Variants in KCTD17 observed in about 807,000 individuals in gnomAD.
KCTD17 encodes the protein BTB/POZ domain-containing protein KCTD17.
A neutral mutation model predicts 41.5 loss-of-function variants in KCTD17; 20 were observed. The observed-to-expected ratio is 0.48, with a 90% CI of 0.34 to 0.70. KCTD17 has a LOEUF of 0.70. KCTD17 is among the 30% of genes least tolerant of loss of function. The probability of loss-of-function intolerance (pLI) is 0.01; values close to 1 mark genes in which losing one functional copy is unlikely to be tolerated. For missense variants in KCTD17, 317 were observed against 427.2 expected, an observed-to-expected ratio of 0.74 and a Z score of 2.27; for synonymous variants, 156 against 173.8, an observed-to-expected ratio of 0.90 and a Z score of 0.80.
chr22:37,058,340 C>A (rs1925377218), intron 4 of KCTD17, among the ~76,000 whole-genome samples: 1 of 152,244 alleles, frequency 6.6e-6, no homozygotes, highest in Admixed American at 6.5e-5. Context: ...GACATGCCTG[C>A]CACCTTGGGC....
At chr22:37,059,616 C>T in intron 5 of KCTD17, 178 bp downstream of exon 5, 1 of 743,122 alleles carries the variant, frequency 1.3e-6, no homozygotes, top group Non-Finnish European at 2.1e-6. Flanking sequence ...TTACCCAGGC[C>T]CAGGCTGGGA....
Position 37,056,538 on chromosome 22 carries a change from C to G in KCTD17, c.390+127C>G. The G allele has an allele frequency of 4.0e-6, 3 of 746,708 alleles. No homozygotes were observed. In the East Asian group the frequency reaches 8.3e-5, roughly 21 times the overall value. 46.3% of individuals were successfully genotyped at this position (746,708 alleles called of 1,614,324 possible). Reference sequence around the variant, plus strand: ...CAGTGTTTGTCATGGGGAGGCCGAGCTGGCCTGTAAGGAGAGGCATGGTTG... The same window carrying G: ...CAGTGTTTGTCATGGGGAGGCCGAGGTGGCCTGTAAGGAGAGGCATGGTTG... On this transcript the variant is annotated intron_variant, in intron 3 of 8. Transcript: ENST00000403888.
At chr22:37,052,792 C>T (rs150355415) in intron 1 of KCTD17, among the ~76,000 whole-genome samples, 17 of 152,274 alleles carry the variant, frequency 1.1e-4, no homozygotes, top group Non-Finnish European at 2.5e-4. Flanking sequence ...GGACATTCTT[C>T]GAGCCCTGTG....
rs907270839 is a variant in KCTD17 at position 37,061,550 on chromosome 22, C to T, written c.796C>T (p.His266Tyr). The T allele has an allele frequency of 6.2e-7, 1 of 1,601,748 alleles. No homozygotes were observed. The highest frequency in any genetic ancestry group is 1.3e-5 in the African/African-American group (1 of 75,036). The change falls in exon 8 of 9, where the codon CAC becomes TAC. Residue 266 changes from histidine (H) to tyrosine (Y), a missense_variant. His to Tyr is a moderately conservative substitution (Grantham distance 83). Transcript: ENST00000403888. The surrounding 1 kb of genome is among the most constrained non-coding windows in gnomAD (Gnocchi z 6.6). ...PPLPAGGSRP[H>Y]PLRPEAELAV... ...TTTCCTCCTTGCAGGTTCCCGTCCG[C>T]ACCCTCTCAGACCTGAGGCTGAGCT...
Position 37,053,014 on chromosome 22 carries a change from C to A in KCTD17, c.190-86C>A. 1.8e-6 allele frequency: 2 copies of A among 1,082,364 alleles called. No individual in the cohort carries two copies. Among genetic ancestry groups the A allele is most frequent in the East Asian group, 2.6e-5 (1 of 38,576 alleles). The allele number at this position is 1,082,364 out of a possible 1,614,324, so 67.0% of individuals were successfully genotyped here. ...TCCATCCAGGGAAGAGCTCTCCCTC[C>A]ACTCTCCTTCCCTCCCTGTGCGTGT... On this transcript the variant is annotated intron_variant, in intron 1 of 8. Coordinates refer to ENST00000403888, the MANE Select transcript of KCTD17 (RefSeq NM_001282684.2). This position sits in a 1 kb window ranked among gnomAD's most constrained non-coding sequence, Gnocchi z 4.1.
chr22:37,055,601 C>T (rs1423236940), intron 2 of KCTD17, among the ~76,000 whole-genome samples: 2 of 151,936 alleles, frequency 1.3e-5, no homozygotes, highest in South Asian at 2.1e-4. Flanking sequence ...GGTGGGCTGA[C>T]TTCTTCATCT....
At chr22:37,057,233 G>A (rs1925233619) in intron 3 of KCTD17, 165 bp from the exon 4 acceptor site, 2 of 684,560 alleles carry the variant, frequency 2.9e-6, no homozygotes, top group East Asian at 2.8e-5. Context: ...GCCTGGTGAG[G>A]AGCAGGTGCT....
chr22:37,056,983 AG>A (rs1723576789), intron 3 of KCTD17, among the ~76,000 whole-genome samples: 1 of 152,084 alleles, frequency 6.6e-6, no homozygotes, highest in Non-Finnish European at 1.5e-5. Context: ...TCTCAGGCCC[AG>A]GGGATTAAAG....
Position 37,051,856 on chromosome 22 carries a change from C to T in KCTD17, c.96C>T (p.Gly32=). 1 of 1,471,906 alleles carries T rather than the reference C, an allele frequency of 6.8e-7. No homozygotes were observed. Among genetic ancestry groups the T allele is most frequent in the South Asian group, 1.3e-5 (1 of 76,304 alleles). 91.2% of individuals were successfully genotyped at this position (1,471,906 alleles called of 1,614,324 possible). ...WGKWVRLNVG[G]TVFLTTRQTL... ...AGTGGGTGCGGCTCAACGTGGGGGG[C>T]ACGGTGTTCCTGACCACCCGGCAGA... is the stretch of plus-strand genomic sequence containing the variant. The change falls in exon 1 of 9, where the codon GGC becomes GGT. Residue 32 remains glycine, a synonymous_variant. Transcript: ENST00000403888.
At chr22:37,052,738 TG>T in intron 1 of KCTD17, 1 of 448,490 alleles carries the variant, frequency 2.2e-6, no homozygotes, top group Non-Finnish European at 4.5e-6. Flanking sequence ...CCTAGGGACC[TG>T]GGGGCGACAG....
rs1218008360 is a variant in KCTD17 at position 37,053,118 on chromosome 22, C to T, written c.208C>T (p.Leu70Phe). ...TCCATAGGATGAGACCGGGGCCTAC[C>T]TCATTGACCGTGACCCCACCTACTT... ...QSDRDETGAY[L>F]IDRDPTYFGP... Residue 70 changes from leucine to phenylalanine, a missense_variant, in exon 2 of 9, where the codon CTC becomes TTC. Transcript: ENST00000403888. The surrounding 1 kb of genome is among the most constrained non-coding windows in gnomAD (Gnocchi z 4.1). 6.3e-7 allele frequency: 1 copy of T among 1,594,500 alleles called. No individual in the cohort carries two copies. Among genetic ancestry groups the T allele is most frequent in the Non-Finnish European group, 8.5e-7 (1 of 1,170,658 alleles).
At position 37,061,825 on chromosome 22, in the gene KCTD17, C is replaced by A; in HGVS notation, c.875+196C>A. ...GAACTTTCCTACCAGCCCATCAGCA[C>A]CAGAGCCAGGCTGGTGGGGAGGGAG... is the stretch of plus-strand genomic sequence containing the variant. On this transcript the variant is annotated intron_variant, in intron 8 of 8. Coordinates refer to ENST00000403888, the MANE Select transcript of KCTD17 (RefSeq NM_001282684.2). This position sits in a 1 kb window ranked among gnomAD's most constrained non-coding sequence, Gnocchi z 6.6. The A allele has an allele frequency of 1.0e-6, 1 of 985,200 alleles. No homozygotes were observed. The highest frequency in any genetic ancestry group is 1.2e-6 in the Non-Finnish European group (1 of 829,932). 61.0% of individuals were successfully genotyped at this position (985,200 alleles called of 1,614,324 possible).
chr22:37,059,325 G>A lies in KCTD17; in HGVS notation c.499G>A (p.Gly167Ser), dbSNP rs200563649. 1.4e-4 allele frequency: 224 copies of A among 1,612,814 alleles called. 1 individual carries two copies. In the Admixed American group the frequency reaches 1.8e-3, roughly 13 times the overall value. Residue 167 changes from glycine to serine, a missense_variant, in exon 5 of 9, where the codon GGC (glycine) becomes AGC (serine). Gly to Ser is a moderately conservative substitution (Grantham distance 56). Transcript: ENST00000403888. ...GWRFEQLVNI[G>S]SSYNYGSEDQ... is the part of the protein sequence containing the mutation. ...TCCGCCCCTCTAGCTGGTGAACATC[G>A]GCTCCTCCTACAACTACGGCAGCGA... is the stretch of plus-strand genomic sequence containing the variant.
chr22:37,062,091 A>G, intron 8 of KCTD17: 1 of 981,772 alleles, frequency 1.0e-6, no homozygotes, highest in Non-Finnish European at 1.2e-6. Flanking sequence ...ACCTTGGGCA[A>G]GTCACTGTCC....
At chr22:37,059,643 A>T (rs538334084) in intron 5 of KCTD17, 58 of 643,924 alleles carry the variant, frequency 9.0e-5, no homozygotes, top group African/African-American at 5.1e-4. Flanking sequence ...AAATGAGAGC[A>T]TCCCCAGGGT....
chr22:37,059,599 C>T (rs1925542632), intron 5 of KCTD17, 161 bp downstream of exon 5: 2 of 827,764 alleles, frequency 2.4e-6, no homozygotes, highest in South Asian at 1.7e-5. Flanking sequence ...TCCCATGCCA[C>T]CTGCCGTTAC....
At chr22:37,057,238 G>A (rs1330589688) in intron 3 of KCTD17, 160 bp from the exon 4 acceptor site, 2 of 689,938 alleles carry the variant, frequency 2.9e-6, no homozygotes, top group African/African-American at 1.8e-5. Context: ...GTGAGGAGCA[G>A]GTGCTCAGAG....
chr22:37,059,537 C>T (rs1925533800), intron 5 of KCTD17, 99 bp downstream of exon 5: 5 of 1,382,956 alleles, frequency 3.6e-6, no homozygotes, highest in Non-Finnish European at 4.9e-6. Context: ...CCCTCCACCT[C>T]TCTCCCGCCA....
chr22:37,058,518 AT>A (rs2145982428), intron 4 of KCTD17, among the ~76,000 whole-genome samples: 1 of 152,236 alleles, frequency 6.6e-6, no homozygotes, highest in Admixed American at 6.5e-5. Flanking sequence ...AGAAATCCAT[AT>A]TGAAGTCTGC....
Sources: allele counts gnomAD v4.1 joint callset (sites outside exome capture counted in the v4.1 genomes callset), GRCh38; gene constraint gnomAD v4.1.1; non-coding constraint Gnocchi (gnomAD v3.1); transcripts MANE v1.5; gene names NCBI Gene and HGNC (gene_info 2026-07-23, HGNC 2026-07-21).